The following EIF4E3 variants were observed in gnomAD, a reference collection of about 807,000 sequenced individuals.
EIF4E3 encodes eukaryotic translation initiation factor 4E type 3.
EIF4E3 carries 26 observed loss-of-function variants against 31.7 expected under a neutral mutation model. The observed-to-expected ratio is 0.82, with a 90% CI of 0.60 to 1.14. The LOEUF (loss-of-function observed/expected upper bound fraction) is 1.14. Among genes scored for constraint, EIF4E3 ranks in the 50% most tolerant of loss-of-function variants. The pLI, the probability that EIF4E3 is intolerant of heterozygous loss-of-function variation, is 0.00. For missense variants in EIF4E3, 304 were observed against 270.9 expected (o/e 1.12, Z -0.86); for synonymous variants, 128 against 107.7 (o/e 1.19, Z -1.17).
chr3:71,753,965 C>T (rs2049968520), upstream of EIF4E3: 1 of 1,031,130 alleles, frequency 9.7e-7, no homozygotes, highest in Non-Finnish European at 1.2e-6. Context: ...GCCGGCGGAG[C>T]GGCGGAGCTC....
Position 71,725,189 on chromosome 3 carries a change from C to T in EIF4E3, c.176+3G>A. 9.0e-7 allele frequency: 1 copy of T among 1,109,112 alleles called. No individual in the cohort carries two copies. The highest frequency in any genetic ancestry group is 1.1e-6 in the Non-Finnish European group (1 of 909,714). The allele number at this position is 1,109,112 out of a possible 1,614,324, so 68.7% of individuals were successfully genotyped here. ...GTGCGCGGCGGGCCCCGCGCCCCCT[C>T]ACCTGTCGAGCCAGAAGGTCCAGGA... On this transcript the variant is annotated splice_donor_region_variant and intron_variant, in intron 1 of 6. Coordinates refer to ENST00000425534, the MANE Select transcript of EIF4E3 (RefSeq NM_001134651.2). The surrounding 1 kb of genome is among the most constrained non-coding windows in gnomAD (Gnocchi z 6.1).
chr3:71,722,158 G>T (rs546754220), intron 1 of EIF4E3, among the ~76,000 whole-genome samples: 2 of 152,320 alleles, frequency 1.3e-5, no homozygotes, highest in South Asian at 4.1e-4. Flanking sequence ...CAACTGGAAG[G>T]ATAGACTTGC....
intron 1 of EIF4E3, among the ~76,000 whole-genome samples, chr3:71,742,977 A>C (rs2049834882): frequency 6.6e-6 from 1 of 152,190 alleles, no homozygotes; most frequent in South Asian, 2.1e-4. Flanking sequence ...CTCTCAGCAA[A>C]GTAGGAATGG....
intron 1 of EIF4E3, among the ~76,000 whole-genome samples, chr3:71,712,428 C>T (rs1444448418): frequency 6.6e-6 from 1 of 151,894 alleles, no homozygotes; most frequent in Non-Finnish European, 1.5e-5. Flanking sequence ...TTTTTTAAAT[C>T]AGGGGAAAAA....
At chr3:71,714,937 G>A (rs1047498241) in intron 1 of EIF4E3, among the ~76,000 whole-genome samples, 2 of 152,150 alleles carry the variant, frequency 1.3e-5, no homozygotes, top group Non-Finnish European at 2.9e-5. Flanking sequence ...ATTTTTACTG[G>A]TATCACACAT....
Position 71,680,918 on chromosome 3 carries a change from G to A in EIF4E3, c.*3764C>T, listed in dbSNP as rs1174932071. 1 of 152,118 alleles carries A rather than the reference G, an allele frequency of 6.6e-6. No individual in the cohort carries two copies. The highest frequency in any genetic ancestry group is 2.4e-5 in the African/African-American group (1 of 41,416). 9.4% of individuals were successfully genotyped at this position (152,118 alleles called of 1,614,324 possible). ...AAATCTCACAGAAACATACAATGTA[G>A]GAAAGGTGAAGGGTAGAATTACATT... On this transcript the variant is annotated 3_prime_UTR_variant, in exon 7 of 7. Transcript: ENST00000425534.
At chr3:71,698,979 A>G (rs1248371357) in intron 3 of EIF4E3, among the ~76,000 whole-genome samples, 5 of 152,186 alleles carry the variant, frequency 3.3e-5, no homozygotes, top group African/African-American at 1.2e-4. Flanking sequence ...CCAGCACTTT[A>G]GAAGGCTGAG....
intron 6 of EIF4E3, among the ~76,000 whole-genome samples, chr3:71,686,299 T>C (rs2048990307): frequency 6.6e-6 from 1 of 152,098 alleles, no homozygotes; most frequent in Admixed American, 6.6e-5. Flanking sequence ...CTCTGTGTTT[T>C]TCATAAGGAC....
intron 1 of EIF4E3, among the ~76,000 whole-genome samples, chr3:71,711,853 C>T (rs1337188384): frequency 6.6e-6 from 1 of 152,068 alleles, no homozygotes; most frequent in Non-Finnish European, 1.5e-5. Flanking sequence ...AGTGGTGGTG[C>T]TCACCTGCAG....
At chr3:71,703,172 T>G (rs2049241909) in intron 2 of EIF4E3, among the ~76,000 whole-genome samples, 1 of 152,228 alleles carries the variant, frequency 6.6e-6, no homozygotes, top group Non-Finnish European at 1.5e-5. Context: ...CATCATTCAT[T>G]CAGTCAACAT....
chr3:71,712,875 C>T (rs1340138781), intron 1 of EIF4E3, among the ~76,000 whole-genome samples: 3 of 129,522 alleles, frequency 2.3e-5, no homozygotes, highest in Non-Finnish European at 3.3e-5. Flanking sequence ...AAAAAAAGCA[C>T]TGATGAAAAT....
rs970942918 is a variant in EIF4E3 at position 71,681,403 on chromosome 3, T to C, written c.*3279A>G. 5.9e-5 allele frequency: 9 copies of C among 152,184 alleles called. No individual in the cohort carries two copies. Among genetic ancestry groups the C allele is most frequent in the African/African-American group, 2.2e-4 (9 of 41,426 alleles). 9.4% of individuals were successfully genotyped at this position (152,184 alleles called of 1,614,324 possible). A position where few individuals can be genotyped will look rare whatever the true frequency, so the allele number is the denominator to read the frequency against. ...GATCCTCTAAGAGTTGGGCAACTAA[T>C]AGCAAAAGCCCACTTCCTGTCATAG... On this transcript the variant is annotated 3_prime_UTR_variant, in exon 7 of 7. Coordinates refer to ENST00000425534, the MANE Select transcript of EIF4E3 (RefSeq NM_001134651.2).
chr3:71,666,525 G>A, the EIF4E3 span, among the ~76,000 whole-genome samples: 2 of 152,196 alleles, frequency 1.3e-5, no homozygotes, highest in Admixed American at 6.5e-5. Flanking sequence ...ACAAAGAGGA[G>A]CTGGTACCAT....
chr3:71,699,960 CCCAGGAGTTCGAGA>C (rs2049192600), intron 2 of EIF4E3, among the ~76,000 whole-genome samples: 1 of 152,104 alleles, frequency 6.6e-6, no homozygotes, highest in African/African-American at 2.4e-5. Flanking sequence ...ATCACTTGAG[CCCAGGAGTTCGAGA>C]CCAACCTGGG....
At chr3:71,663,731 G>A in the EIF4E3 span, among the ~76,000 whole-genome samples, 2 of 152,202 alleles carry the variant, frequency 1.3e-5, no homozygotes, top group African/African-American at 4.8e-5. Flanking sequence ...ACTGTGGTTC[G>A]CCGCTCATGC....
chr3:71,738,391 G>A (rs986602254), intron 1 of EIF4E3, among the ~76,000 whole-genome samples: 1 of 151,942 alleles, frequency 6.6e-6, no homozygotes, highest in African/African-American at 2.4e-5. Context: ...AAAACGTGAC[G>A]CAACAAAATG....
At chr3:71,747,806 G>C (rs192593512) in intron 1 of EIF4E3, among the ~76,000 whole-genome samples, 28 of 152,148 alleles carry the variant, frequency 1.8e-4, no homozygotes, top group African/African-American at 6.7e-4. Context: ...ATATGGGGTG[G>C]GGTTGGGGCG....
At chr3:71,707,487 CT>C (rs2049310366) in intron 2 of EIF4E3, among the ~76,000 whole-genome samples, 1 of 152,146 alleles carries the variant, frequency 6.6e-6, no homozygotes, top group Admixed American at 6.5e-5. Context: ...TTCACTCTAC[CT>C]TAGCGAGTAG....
In EIF4E3 at chr3:71,682,919, TATAAA is replaced by T. The variant is rs2048940728; in HGVS notation, c.*1758_*1762del. 6.6e-6 allele frequency: 1 copy of T among 152,504 alleles called. No individual in the cohort carries two copies. The highest frequency in any genetic ancestry group is 1.5e-5 in the Non-Finnish European group (1 of 68,040). 9.4% of individuals were successfully genotyped at this position (152,504 alleles called of 1,614,324 possible). A position where few individuals can be genotyped will look rare whatever the true frequency, so the allele number is the denominator to read the frequency against. ...TTTTCAATCAGAAAAATACTTATAT[TATAAA>T]AAAGTTTTAATTCATGTCCAGAATA... On this transcript the variant is annotated 3_prime_UTR_variant, in exon 7 of 7. Transcript: ENST00000425534.
Sources: allele counts gnomAD v4.1 joint callset (sites outside exome capture counted in the v4.1 genomes callset), GRCh38; gene constraint gnomAD v4.1.1; non-coding constraint Gnocchi (gnomAD v3.1); transcripts MANE v1.5; gene names NCBI Gene and HGNC (gene_info 2026-07-23, HGNC 2026-07-21).